TXNDC11: variants seen among roughly 807,000 people sequenced by gnomAD.
TXNDC11 encodes thioredoxin domain containing 11.
Under a neutral mutation model 78.0 loss-of-function variants are expected in TXNDC11, and 68 were observed. That is an observed-to-expected ratio of 0.87 (90% CI 0.72 to 1.07). TXNDC11 has a LOEUF of 1.07. TXNDC11 is among the 50% of genes least tolerant of loss of function. The pLI, the probability that TXNDC11 is intolerant of heterozygous loss-of-function variation, is 0.00. For missense variants in TXNDC11, 1,389 were observed against 1,221.8 expected (o/e 1.14, Z -2.04); for synonymous variants, 571 against 495.2 (o/e 1.15, Z -2.03).
At chr16:11,731,657 T>G (rs556315154) in intron 3 of TXNDC11, among the ~76,000 whole-genome samples, 218 of 151,892 alleles carry the variant, frequency 1.4e-3, no homozygotes, top group African/African-American at 5.0e-3. Flanking sequence ...AGGCTGTGAT[T>G]ATAATACCAT....
intron 5 of TXNDC11, among the ~76,000 whole-genome samples, chr16:11,705,544 A>G (rs1323169353): frequency 6.6e-6 from 1 of 152,232 alleles, no homozygotes; most frequent in Admixed American, 6.5e-5. Context: ...ATAGCCTGCC[A>G]AAGTCACCAT....
chr16:11,704,440 A>T (rs748128242), intron 5 of TXNDC11, among the ~76,000 whole-genome samples: 3 of 152,222 alleles, frequency 2.0e-5, no homozygotes, highest in Non-Finnish European at 4.4e-5. Flanking sequence ...GTGTCAAATG[A>T]TCTTCCCCCA....
chr16:11,735,952 G>C, intron 2 of TXNDC11, 65 bp downstream of exon 2: 1 of 1,519,424 alleles, frequency 6.6e-7, no homozygotes, highest in Non-Finnish European at 9.1e-7. Context: ...TGTCTCTGTG[G>C]GGACATCCTG....
chr16:11,724,348 C>T (rs1308686353), intron 4 of TXNDC11, among the ~76,000 whole-genome samples: 1 of 152,114 alleles, frequency 6.6e-6, no homozygotes, highest in Non-Finnish European at 1.5e-5. Context: ...GCTACCAATA[C>T]CTAACACAAA....
intron 5 of TXNDC11, among the ~76,000 whole-genome samples, chr16:11,712,508 A>G (rs1193618008): frequency 6.6e-6 from 1 of 152,234 alleles, no homozygotes; most frequent in East Asian, 1.9e-4. Context: ...TGCTGATGGC[A>G]GGAAATGAGA....
At chr16:11,729,104 T>C (rs2051968996) in intron 4 of TXNDC11, among the ~76,000 whole-genome samples, 1 of 152,252 alleles carries the variant, frequency 6.6e-6, no homozygotes, top group Non-Finnish European at 1.5e-5. Context: ...CGAGTGGCTC[T>C]GGCTGTAACC....
At chr16:11,722,211 C>T (rs1230232860) in intron 4 of TXNDC11, among the ~76,000 whole-genome samples, 4 of 152,174 alleles carry the variant, frequency 2.6e-5, no homozygotes, top group Admixed American at 2.0e-4. Flanking sequence ...ACAGAACCCC[C>T]GCCAAAACCC....
At chr16:11,691,211 T>A in intron 8 of TXNDC11, 79 bp downstream of exon 8, 1 of 1,213,784 alleles carries the variant, frequency 8.2e-7, no homozygotes, top group Non-Finnish European at 1.2e-6. Context: ...CTAAATGTAA[T>A]GAGAGCCATC....
At chr16:11,720,387 T>C (rs1246542879) in intron 5 of TXNDC11, among the ~76,000 whole-genome samples, 3 of 150,680 alleles carry the variant, frequency 2.0e-5, no homozygotes, top group Non-Finnish European at 3.0e-5. Context: ...CTTTTAACTA[T>C]ACACACAAAA....
At chr16:11,703,666 A>G in intron 5 of TXNDC11, 1 of 702,820 alleles carries the variant, frequency 1.4e-6, no homozygotes, top group Non-Finnish European at 2.6e-6. Context: ...ACCAAAGAGC[A>G]TACCTAGCAC....
chr16:11,733,510 G>C (rs1489357918), intron 3 of TXNDC11, among the ~76,000 whole-genome samples: 1 of 151,776 alleles, frequency 6.6e-6, no homozygotes, highest in Admixed American at 6.6e-5. Context: ...CTGGGCAACA[G>C]AGTGAGACTC....
Position 11,742,754 on chromosome 16 carries a change from T to C in TXNDC11, c.-24A>G. 2 of 1,439,914 alleles carry C rather than the reference T, an allele frequency of 1.4e-6. No individual in the cohort carries two copies. Among genetic ancestry groups the C allele is most frequent in the Non-Finnish European group, 9.0e-7 (1 of 1,105,640 alleles). The allele number at this position is 1,439,914 out of a possible 1,614,324, so 89.2% of individuals were successfully genotyped here. On this transcript the variant is annotated 5_prime_UTR_variant, in exon 1 of 12. In the 5' UTR this introduces an upstream ATG that the reference lacks. Transcript: ENST00000283033. ...ATTACATGCTCCCAGTCGCCGGCTTTATACCGCCGCCGCCGCCTCGGGCCC... is the reference window on the plus strand; with the variant it reads ...ATTACATGCTCCCAGTCGCCGGCTTCATACCGCCGCCGCCGCCTCGGGCCC...
At chr16:11,718,607 C>T (rs766271196) in intron 5 of TXNDC11, among the ~76,000 whole-genome samples, 21 of 151,926 alleles carry the variant, frequency 1.4e-4, no homozygotes, top group Non-Finnish European at 2.5e-4. Flanking sequence ...CCCAGATGCC[C>T]AAGGCAAGAT....
intron 11 of TXNDC11, among the ~76,000 whole-genome samples, chr16:11,683,748 C>CT (rs36114425): frequency 0.05 from 5,465 of 109,360 alleles, 544 homozygotes; most frequent in African/African-American, 0.18. Flanking sequence ...CCTAAGGACA[C>CT]TTTTTTTTTT....
intron 5 of TXNDC11, among the ~76,000 whole-genome samples, chr16:11,706,035 T>C (rs535784651): frequency 6.6e-6 from 1 of 152,254 alleles, no homozygotes; most frequent in South Asian, 2.1e-4. Flanking sequence ...TGTTGGACAA[T>C]TAAAAATAAA....
Position 11,742,464 on chromosome 16 carries a change from C to T in TXNDC11, c.254+13G>A, listed in dbSNP as rs1275350302. On this transcript the variant is annotated intron_variant, in intron 1 of 11. Coordinates refer to ENST00000283033, the MANE Select transcript of TXNDC11 (RefSeq NM_015914.7). ...AGCGCCCTAGCGGGGCCCCAGGGTCCGGGCCGCCTCACCTGCAGGTGAACT... is the reference window on the plus strand; with the variant it reads ...AGCGCCCTAGCGGGGCCCCAGGGTCTGGGCCGCCTCACCTGCAGGTGAACT... 1.4e-6 allele frequency: 2 copies of T among 1,412,504 alleles called. No individual in the cohort carries two copies. The highest frequency in any genetic ancestry group is 3.2e-5 in the Admixed American group (1 of 31,502). 87.5% of individuals were successfully genotyped at this position (1,412,504 alleles called of 1,614,324 possible).
At chr16:11,739,332 C>T (rs2052325255) in intron 1 of TXNDC11, among the ~76,000 whole-genome samples, 1 of 152,132 alleles carries the variant, frequency 6.6e-6, no homozygotes. Flanking sequence ...AGGGGTATGT[C>T]TCGGGTACAA....
chr16:11,722,114 C>G (rs1266403567), intron 4 of TXNDC11, among the ~76,000 whole-genome samples: 1 of 152,226 alleles, frequency 6.6e-6, no homozygotes, highest in Non-Finnish European at 1.5e-5. Context: ...CTCTCTCTCT[C>G]ATTGACTCCA....
rs746235924 is a variant in TXNDC11 at position 11,700,495 on chromosome 16, T to C, written c.863A>G (p.His288Arg). Reference sequence around the variant, plus strand: ...TCTATGTAAATACACACTTCCAGAGTGTACTAAGGATACCAGTTTCGCAAG... The same window carrying C: ...TCTATGTAAATACACACTTCCAGAGCGTACTAAGGATACCAGTTTCGCAAG... Reference protein sequence around the residue: ...KHLAKLVSLVHSGSVYLHRHF... With the variant: ...KHLAKLVSLVRSGSVYLHRHF... Residue 288 changes from histidine to arginine, a missense_variant, in exon 6 of 12, where the codon CAC (histidine) becomes CGC (arginine). Transcript: ENST00000283033. The C allele has an allele frequency of 1.1e-4, 177 of 1,598,840 alleles. No homozygotes were observed. The highest frequency in any genetic ancestry group is 1.4e-4 in the Non-Finnish European group (162 of 1,166,868).
Sources: gnomAD v4.1 joint callset for allele counts (sites outside exome capture counted in the v4.1 genomes callset) on GRCh38, gnomAD v4.1.1 for gene constraint, MANE v1.5 for transcripts, NCBI Gene and HGNC (gene_info 2026-07-23, HGNC 2026-07-21) for gene names.